Variants in DPP6 observed in about 807,000 individuals in gnomAD.
DPP6 encodes A-type potassium channel modulatory protein DPP6.
Under a neutral mutation model 122.6 loss-of-function variants are expected in DPP6, and 69 were observed. The observed-to-expected ratio is 0.56, with a 90% CI of 0.46 to 0.69. The LOEUF (loss-of-function observed/expected upper bound fraction) is 0.69, where lower values mean the gene tolerates loss of function less well. Among genes scored for constraint, DPP6 ranks in the 30% least tolerant of loss-of-function variants. The pLI, the probability that DPP6 is intolerant of heterozygous loss-of-function variation, is 0.00. For synonymous variants in DPP6, 418 were observed against 433.1 expected (o/e 0.97, Z 0.43); for missense variants, 928 against 1,116.9 (o/e 0.83, Z 2.41).
At chr7:154,564,011 G>C (rs893487241) in intron 4 of DPP6, among the ~76,000 whole-genome samples, 1 of 152,114 alleles carries the variant, frequency 6.6e-6, no homozygotes, top group African/African-American at 2.4e-5. Context: ...AGAAAACAAG[G>C]AGAAGCACAA....
chr7:154,135,760 C>T (rs536762304), intron 1 of DPP6, among the ~76,000 whole-genome samples: 1 of 151,940 alleles, frequency 6.6e-6, no homozygotes, highest in African/African-American at 2.4e-5. Context: ...CCTATCTGTG[C>T]ACTTCCTGTG....
intron 17 of DPP6, among the ~76,000 whole-genome samples, chr7:154,861,501 G>A (rs1803392822): frequency 6.6e-6 from 1 of 151,912 alleles, no homozygotes; most frequent in African/African-American, 2.4e-5. Flanking sequence ...CATTCCATTT[G>A]TCCGCCCGTC....
chr7:153,888,483 C>T (rs1799042195), intron 1 of DPP6, among the ~76,000 whole-genome samples: 1 of 152,198 alleles, frequency 6.6e-6, no homozygotes. Context: ...TCGCCGCTCC[C>T]CGCTGACCCG....
At chr7:154,887,488 C>T (rs1302707132) in intron 22 of DPP6, among the ~76,000 whole-genome samples, 188 bp from the exon 23 acceptor site, 1 of 152,122 alleles carries the variant, frequency 6.6e-6, no homozygotes, top group Non-Finnish European at 1.5e-5. Flanking sequence ...CGCCTGATGC[C>T]CCTTGTAAAG....
intron 1 of DPP6, among the ~76,000 whole-genome samples, chr7:153,964,970 T>C (rs1212452890): frequency 2.3e-5 from 3 of 130,346 alleles, no homozygotes; most frequent in South Asian, 2.2e-4. Flanking sequence ...CTTTCTTTCA[T>C]TTCTTTTCCC....
intron 3 of DPP6, among the ~76,000 whole-genome samples, chr7:154,520,837 C>T (rs1055869590): frequency 5.9e-5 from 9 of 152,108 alleles, no homozygotes; most frequent in Admixed American, 2.0e-4. Flanking sequence ...ACAAAAAGCT[C>T]GGAGACAATA....
At chr7:153,921,275 G>C (rs1800626634) in intron 1 of DPP6, among the ~76,000 whole-genome samples, 1 of 152,238 alleles carries the variant, frequency 6.6e-6, no homozygotes, top group Non-Finnish European at 1.5e-5. Context: ...TCCTCCTCAG[G>C]CCTCTAGGGT....
At chr7:154,288,500 A>G (rs1454774858) in intron 1 of DPP6, among the ~76,000 whole-genome samples, 2 of 152,200 alleles carry the variant, frequency 1.3e-5, no homozygotes, top group Non-Finnish European at 2.9e-5. Context: ...CACATCTGAC[A>G]TCTGTGTCAA....
At chr7:154,801,550 G>A (rs1017078205) in intron 13 of DPP6, 88 bp downstream of exon 13, 46 of 1,450,424 alleles carry the variant, frequency 3.2e-5, no homozygotes, top group South Asian at 1.2e-4. Context: ...GCACACTTGC[G>A]TTTTCGAGGA....
chr7:154,096,400 A>G (rs1370855062), intron 1 of DPP6, among the ~76,000 whole-genome samples: 1 of 125,736 alleles, frequency 8.0e-6, no homozygotes, highest in African/African-American at 3.1e-5. Context: ...CCAGTTCTAG[A>G]AAATGGCAAG....
intron 1 of DPP6, among the ~76,000 whole-genome samples, chr7:154,015,923 C>T (rs956003036): frequency 2.6e-5 from 4 of 152,132 alleles, no homozygotes; most frequent in South Asian, 2.1e-4. Flanking sequence ...CATCTCAGAC[C>T]GAAGCTCCTT....
chr7:154,530,741 C>G (rs1390827896), intron 3 of DPP6, among the ~76,000 whole-genome samples: 1 of 152,110 alleles, frequency 6.6e-6, no homozygotes. Flanking sequence ...GGAATCAACC[C>G]TAATGTCCAT....
At chr7:154,648,432 A>C (rs2130978976) in intron 6 of DPP6, among the ~76,000 whole-genome samples, 1 of 152,224 alleles carries the variant, frequency 6.6e-6, no homozygotes, top group African/African-American at 2.4e-5. Flanking sequence ...GGTTGGACAC[A>C]AATACCCCAC....
intron 3 of DPP6, among the ~76,000 whole-genome samples, chr7:154,493,600 C>A (rs1010784679): frequency 9.9e-5 from 15 of 152,128 alleles, no homozygotes; most frequent in African/African-American, 3.6e-4. Flanking sequence ...TGATGGTCAT[C>A]TTACATAAAT....
intron 15 of DPP6, among the ~76,000 whole-genome samples, chr7:154,805,999 AAGCCCCCCTGGTGAACGC>A (rs1461163992): frequency 1.3e-5 from 2 of 152,308 alleles, no homozygotes; most frequent in East Asian, 3.9e-4. Context: ...GGACATTGGG[AAGCCCCCCTGGTGAACGC>A]AGCCTCCCTT....
intron 1 of DPP6, among the ~76,000 whole-genome samples, chr7:154,412,806 G>A (rs950116486): frequency 1.3e-5 from 2 of 152,166 alleles, no homozygotes; most frequent in Non-Finnish European, 2.9e-5. Flanking sequence ...GCCCTGCCCA[G>A]GGCACACACT....
At chr7:153,787,651 G>A in the DPP6 span, among the ~76,000 whole-genome samples, 51 of 149,174 alleles carry the variant, frequency 3.4e-4, no homozygotes, top group Middle Eastern at 3.5e-3. Context: ...CGCCCCTCTA[G>A]TCTAGCTACT....
intron 1 of DPP6, among the ~76,000 whole-genome samples, chr7:153,981,020 C>A (rs996651541): frequency 2.6e-5 from 4 of 152,152 alleles, no homozygotes; most frequent in African/African-American, 9.7e-5. Flanking sequence ...AATGTATATT[C>A]TGTTGATTTG....
intron 1 of DPP6, among the ~76,000 whole-genome samples, chr7:154,216,839 T>G (rs1344212881): frequency 5.4e-4 from 81 of 150,910 alleles, no homozygotes; most frequent in African/African-American, 1.9e-3. Flanking sequence ...TGTTGTTTTT[T>G]TTTTTTTTTT....
Sources: allele counts gnomAD v4.1 joint callset (sites outside exome capture counted in the v4.1 genomes callset), GRCh38; gene constraint gnomAD v4.1.1; transcripts MANE v1.5; gene names NCBI Gene and HGNC (gene_info 2026-07-23, HGNC 2026-07-21).